Variants in RNLS observed in about 807,000 individuals in gnomAD.
RNLS encodes renalase.
Under a neutral mutation model 39.8 loss-of-function variants are expected in RNLS, and 39 were observed. The observed-to-expected ratio is 0.98, with a 90% CI of 0.76 to 1.28. The LOEUF is 1.28. RNLS is among the 50% of genes most tolerant of loss of function. RNLS has a pLI of 0.00. For synonymous variants in RNLS, 147 were observed against 150.7 expected (o/e 0.98, Z 0.18); for missense variants, 410 against 413.3 (o/e 0.99, Z 0.07).
the RNLS span, among the ~76,000 whole-genome samples, chr10:88,180,466 A>G: frequency 1.3e-5 from 2 of 152,306 alleles, no homozygotes; most frequent in African/African-American, 4.8e-5. Flanking sequence ...GAGAGTGAGA[A>G]TTTCACTATA....
intron 4 of RNLS, among the ~76,000 whole-genome samples, chr10:88,518,776 G>A (rs1049450472): frequency 4.6e-5 from 7 of 151,974 alleles, no homozygotes; most frequent in Non-Finnish European, 4.4e-5. Flanking sequence ...CAGCTCCTAT[G>A]GTATAGATGT....
At position 88,487,463 on chromosome 10, in the gene RNLS, T is replaced by C. The variant is rs1380711058; in HGVS notation, c.526+85440A>G. On this transcript the variant is annotated intron_variant, in intron 4 of 6. Coordinates refer to ENST00000331772, the MANE Select transcript of RNLS (RefSeq NM_001031709.3). ...CTGAAGAAGACATATAGATGGTAAA[T>C]AAGCACATGAAATAATGTTCTACAT... 3.3e-5 allele frequency among the ~76,000 whole-genome samples: 5 copies of C among 152,136 alleles called. No individual in the cohort carries two copies. In the South Asian group the frequency reaches 8.3e-4, roughly 25 times the overall value.
chr10:88,396,387 G>A (rs756359462), intron 4 of RNLS, among the ~76,000 whole-genome samples: 6 of 151,742 alleles, frequency 4.0e-5, no homozygotes, highest in Non-Finnish European at 5.9e-5. Context: ...TTGAAATTAA[G>A]TTCATATTAA....
chr10:88,274,808 G>A (rs1842752921), exon 7 of RNLS: 3 of 532,156 alleles, frequency 5.6e-6, no homozygotes, highest in Admixed American at 5.9e-5. Context: ...ATTCCCACCG[G>A]CACTGCACAA....
intron 3 of RNLS, among the ~76,000 whole-genome samples, chr10:88,581,294 G>GTGTGTATA (rs1376395535): frequency 1.2e-3 from 152 of 129,860 alleles, no homozygotes; most frequent in African/African-American, 4.4e-3. Flanking sequence ...GTGTGTGTGT[G>GTGTGTATA]TATATATATA....
At chr10:88,298,813 G>T (rs1844288400) in intron 6 of RNLS, among the ~76,000 whole-genome samples, 1 of 151,954 alleles carries the variant, frequency 6.6e-6, no homozygotes, top group South Asian at 2.1e-4. Context: ...CTATCAGGGG[G>T]TCCTTGTGGT....
the RNLS span, among the ~76,000 whole-genome samples, chr10:88,200,910 G>A: frequency 4.2e-4 from 64 of 152,146 alleles, no homozygotes; most frequent in African/African-American, 1.4e-3. Flanking sequence ...CTACTCTTAG[G>A]CTTCCAGTGC....
At chr10:88,572,767 G>T in intron 4 of RNLS, 136 bp downstream of exon 4, 1 of 845,608 alleles carries the variant, frequency 1.2e-6, no homozygotes. Flanking sequence ...GACGACGGCC[G>T]TAAGTATCAG....
intron 2 of RNLS, among the ~76,000 whole-genome samples, 176 bp from the exon 3 acceptor site, chr10:88,581,885 T>C (rs969123986): frequency 1.3e-5 from 2 of 152,234 alleles, no homozygotes; most frequent in African/African-American, 2.4e-5. Context: ...AAACTTATAA[T>C]ACAGGTGAAG....
chr10:88,268,651 C>G, the RNLS span, among the ~76,000 whole-genome samples: 1 of 152,318 alleles, frequency 6.6e-6, no homozygotes, highest in South Asian at 2.1e-4. Context: ...CTCAGTTTAT[C>G]TCCATCTCTT....
chr10:88,446,180 ACAT>A (rs201426071), intron 4 of RNLS, among the ~76,000 whole-genome samples: 1,724 of 152,354 alleles, frequency 0.011, 11 homozygotes, highest in Non-Finnish European at 0.019. Context: ...CCGCTCAACT[ACAT>A]GGAAACTGAA....
intron 4 of RNLS, among the ~76,000 whole-genome samples, chr10:88,409,779 A>C (rs1274164433): frequency 6.6e-6 from 1 of 152,072 alleles, no homozygotes; most frequent in Non-Finnish European, 1.5e-5. Flanking sequence ...TTGTTTTAAA[A>C]TCTTTTTATT....
chr10:88,185,926 A>T, the RNLS span, among the ~76,000 whole-genome samples: 3 of 152,182 alleles, frequency 2.0e-5, no homozygotes, highest in Non-Finnish European at 2.9e-5. Context: ...TTAATGGAGA[A>T]GCCTTTTCTC....
At chr10:88,558,607 G>A (rs568586151) in intron 4 of RNLS, among the ~76,000 whole-genome samples, 7 of 152,204 alleles carry the variant, frequency 4.6e-5, no homozygotes, top group Admixed American at 1.3e-4. Flanking sequence ...GGAAGTCTCC[G>A]CTGTTTCTAC....
At chr10:88,377,237 CATAT>C (rs374418131) in intron 4 of RNLS, among the ~76,000 whole-genome samples, 4,073 of 55,710 alleles carry the variant, frequency 0.073, 67 homozygotes, top group Non-Finnish European at 0.097. Context: ...CATACACACA[CATAT>C]ACACACACAC....
At chr10:88,419,208 G>C (rs1854228423) in intron 4 of RNLS, among the ~76,000 whole-genome samples, 1 of 152,212 alleles carries the variant, frequency 6.6e-6, no homozygotes, top group Non-Finnish European at 1.5e-5. Context: ...AGTGCAAATG[G>C]TGTCCTTGCT....
the RNLS span, among the ~76,000 whole-genome samples, chr10:88,183,362 C>T: frequency 3.3e-5 from 5 of 152,126 alleles, no homozygotes; most frequent in Non-Finnish European, 7.4e-5. Context: ...TTCACTTTCA[C>T]ACAACTTCAT....
chr10:88,378,646 T>TAAAC (rs1168551798), intron 4 of RNLS, among the ~76,000 whole-genome samples: 1 of 152,152 alleles, frequency 6.6e-6, no homozygotes, highest in African/African-American at 2.4e-5. Context: ...AGGAAGAATC[T>TAAAC]AAACAGACAG....
chr10:88,417,612 T>C (rs995213883), intron 4 of RNLS, among the ~76,000 whole-genome samples: 3 of 152,202 alleles, frequency 2.0e-5, no homozygotes, highest in Non-Finnish European at 2.9e-5. Context: ...GGTACTCTTG[T>C]TCCTTGAGGC....
Sources: allele counts gnomAD v4.1 joint callset (sites outside exome capture counted in the v4.1 genomes callset), GRCh38; gene constraint gnomAD v4.1.1; transcripts MANE v1.5; gene names NCBI Gene and HGNC (gene_info 2026-07-23, HGNC 2026-07-21).